Variants in ZC3H12B observed in about 807,000 individuals in gnomAD.
The protein encoded by ZC3H12B is probable ribonuclease ZC3H12B.
A neutral mutation model predicts 43.9 loss-of-function variants in ZC3H12B; 7 were observed. That is an observed-to-expected ratio of 0.16 (90% CI 0.09 to 0.30). ZC3H12B has a LOEUF of 0.30. Among genes scored for constraint, ZC3H12B ranks in the 10% least tolerant of loss-of-function variants. The pLI, the probability that ZC3H12B is intolerant of heterozygous loss-of-function variation, is 1.00. For missense variants in ZC3H12B, 475 were observed against 670.2 expected (o/e 0.71, Z 3.22); for synonymous variants, 222 against 241.7 (o/e 0.92, Z 0.76).
At chrX:65,432,477 C>A (rs978578406) in intron 3 of ZC3H12B, among the ~76,000 whole-genome samples, 1 of 111,773 alleles carries the variant, frequency 8.9e-6, no homozygotes, top group Admixed American at 9.5e-5. Flanking sequence ...CCTCAAGCAC[C>A]TTTGCATCTG....
chrX:65,374,981 T>G (rs1307365195), intron 2 of ZC3H12B, among the ~76,000 whole-genome samples: 2 of 111,135 alleles, frequency 1.8e-5, no homozygotes, highest in Admixed American at 9.6e-5. Flanking sequence ...CAATTCAAGA[T>G]GAGATTTGAG....
the ZC3H12B span, among the ~76,000 whole-genome samples, chrX:65,233,687 A>G: frequency 9.0e-6 from 1 of 111,306 alleles, no homozygotes; most frequent in Non-Finnish European, 1.9e-5. Flanking sequence ...ATTTTAAAGA[A>G]CTAGAAAAAG....
the ZC3H12B span, chrX:65,356,905 G>T: frequency 2.6e-6 from 1 of 386,304 alleles, no homozygotes; most frequent in Non-Finnish European, 4.9e-6. Flanking sequence ...GATAATTGAA[G>T]ATCTGTTTGT....
chrX:65,168,768 G>T, the ZC3H12B span, among the ~76,000 whole-genome samples: 1 of 111,357 alleles, frequency 9.0e-6, no homozygotes, highest in Non-Finnish European at 1.9e-5. Flanking sequence ...TTTAGTCTTT[G>T]GAGGGTGTGT....
the ZC3H12B span, among the ~76,000 whole-genome samples, chrX:65,074,380 ACTT>A: frequency 3.6e-5 from 4 of 110,648 alleles, no homozygotes; most frequent in African/African-American, 1.3e-4. Context: ...GTCATGAGCC[ACTT>A]CTTCTTTAAA....
chrX:65,219,492 CAT>C, the ZC3H12B span, among the ~76,000 whole-genome samples: 1 of 111,216 alleles, frequency 9.0e-6, no homozygotes, highest in Non-Finnish European at 1.9e-5. Context: ...GAAGGACACA[CAT>C]AGAGAATTGT....
chrX:65,229,414 C>T, the ZC3H12B span, among the ~76,000 whole-genome samples: 81 of 107,352 alleles, frequency 7.5e-4, no homozygotes, highest in African/African-American at 2.5e-3. Flanking sequence ...AACGTTAGAC[C>T]TAAAACCATA....
At chrX:65,048,687 G>A in the ZC3H12B span, among the ~76,000 whole-genome samples, 1 of 110,973 alleles carries the variant, frequency 9.0e-6, no homozygotes. Context: ...AACATATTGG[G>A]TCATCTCATA....
chrX:65,502,983 G>A (rs1180867720), exon 5 of ZC3H12B: 1 of 1,209,591 alleles, frequency 8.3e-7, no homozygotes, highest in African/African-American at 1.8e-5. Flanking sequence ...GTCATGGTAC[G>A]GAGCGTGCCT....
the ZC3H12B span, among the ~76,000 whole-genome samples, chrX:65,240,038 A>G: frequency 9.0e-6 from 1 of 110,950 alleles, no homozygotes; most frequent in Non-Finnish European, 1.9e-5. Context: ...GAAGAATCTG[A>G]TGATTATGTG....
chrX:65,081,108 C>T, the ZC3H12B span, among the ~76,000 whole-genome samples: 1 of 104,445 alleles, frequency 9.6e-6, no homozygotes, highest in Non-Finnish European at 2.0e-5. Flanking sequence ...TAATGGTAAA[C>T]CTCAAACTAA....
the ZC3H12B span, among the ~76,000 whole-genome samples, chrX:65,256,544 T>C: frequency 8.9e-6 from 1 of 111,842 alleles, no homozygotes; most frequent in Non-Finnish European, 1.9e-5. Context: ...AAAGGGGTGC[T>C]AAGAGGAAAG....
intron 3 of ZC3H12B, among the ~76,000 whole-genome samples, chrX:65,471,797 G>A (rs2067917926): frequency 9.0e-6 from 1 of 111,176 alleles, no homozygotes; most frequent in Non-Finnish European, 1.9e-5. Context: ...CTTTTAAGTG[G>A]AACATTTAGA....
chrX:65,179,476 A>G, the ZC3H12B span, among the ~76,000 whole-genome samples: 1 of 111,145 alleles, frequency 9.0e-6, no homozygotes, highest in Non-Finnish European at 1.9e-5. Context: ...AGCAGAAGAC[A>G]TGAAATAACT....
At chrX:65,188,135 A>C in the ZC3H12B span, among the ~76,000 whole-genome samples, 1 of 111,542 alleles carries the variant, frequency 9.0e-6, no homozygotes, top group Non-Finnish European at 1.9e-5. Flanking sequence ...AGATGATAAG[A>C]TCTCATTCAT....
intron 3 of ZC3H12B, among the ~76,000 whole-genome samples, chrX:65,442,821 G>C (rs182421695): frequency 8.9e-6 from 1 of 111,822 alleles, no homozygotes; most frequent in East Asian, 2.8e-4. Flanking sequence ...TTTCCCTCTT[G>C]ATCTGGGGGG....
intron 3 of ZC3H12B, among the ~76,000 whole-genome samples, chrX:65,459,258 A>T (rs891244020): frequency 8.9e-6 from 1 of 112,098 alleles, no homozygotes; most frequent in Non-Finnish European, 1.9e-5. Flanking sequence ...ATGGATTCAC[A>T]GCCGAATTCT....
chrX:65,130,828 G>T, the ZC3H12B span, among the ~76,000 whole-genome samples: 7 of 111,568 alleles, frequency 6.3e-5, no homozygotes, highest in Non-Finnish European at 1.1e-4. Context: ...GAGAAAAACT[G>T]CCATGAGGGA....
chrX:65,060,676 C>A, the ZC3H12B span, among the ~76,000 whole-genome samples: 1 of 111,533 alleles, frequency 9.0e-6, no homozygotes, highest in Non-Finnish European at 1.9e-5. Context: ...TTTGATCTAT[C>A]TTTGTCTGTC....
Sources: gnomAD v4.1 joint callset for allele counts (sites outside exome capture counted in the v4.1 genomes callset) on GRCh38, gnomAD v4.1.1 for gene constraint, MANE v1.5 for transcripts, NCBI Gene and HGNC (gene_info 2026-07-23, HGNC 2026-07-21) for gene names.